Variants in INO80C observed in about 807,000 individuals in gnomAD.
INO80C encodes the protein IES6 homolog.
A neutral mutation model predicts 17.7 loss-of-function variants in INO80C; 17 were observed. That is an observed-to-expected ratio of 0.96 (90% CI 0.66 to 1.44). The LOEUF is 1.44. Among genes scored for constraint, INO80C ranks in the 40% most tolerant of loss-of-function variants. The probability of loss-of-function intolerance (pLI) is 0.00; values close to 1 mark genes in which losing one functional copy is unlikely to be tolerated. For missense variants in INO80C, 244 were observed against 245.0 expected (o/e 1.00, Z 0.03); for synonymous variants, 96 against 95.8 (o/e 1.00, Z -0.01).
chr18:35,497,612 G>C (rs548953643), intron 1 of INO80C, 107 bp downstream of exon 1: 9 of 1,464,714 alleles, frequency 6.1e-6, no homozygotes, highest in African/African-American at 2.9e-5. Flanking sequence ...CCCCAACGGA[G>C]ACCGCACGCG....
chr18:35,485,362 TCAA>T (rs2045860974), intron 1 of INO80C, among the ~76,000 whole-genome samples: 1 of 152,004 alleles, frequency 6.6e-6, no homozygotes, highest in African/African-American at 2.4e-5. Context: ...ACTCTACAAC[TCAA>T]CAACAAAAAG....
At chr18:35,476,276 A>G (rs1015690662) in intron 4 of INO80C, among the ~76,000 whole-genome samples, 2 of 152,234 alleles carry the variant, frequency 1.3e-5, no homozygotes, top group East Asian at 3.8e-4. Flanking sequence ...AAAAACAAGG[A>G]CAACCTGAGA....
chr18:35,472,833 T>G (rs1218383297), intron 4 of INO80C, among the ~76,000 whole-genome samples: 1 of 152,230 alleles, frequency 6.6e-6, no homozygotes, highest in Non-Finnish European at 1.5e-5. Context: ...AAGCTGAATA[T>G]CTACTTATTG....
Position 35,490,599 on chromosome 18 carries a change from C to T in INO80C, c.156+7120G>A, listed in dbSNP as rs114881332. On this transcript the variant is annotated intron_variant, in intron 1 of 4. Coordinates refer to ENST00000334598, the MANE Select transcript of INO80C (RefSeq NM_194281.4). ...GAACTGTTAAAGAGCAAAAAGGACACACTAAAGGGAAAGGGAAAATGCAGT... is the reference window on the plus strand; with the variant it reads ...GAACTGTTAAAGAGCAAAAAGGACATACTAAAGGGAAAGGGAAAATGCAGT... 5.2e-3 allele frequency among the ~76,000 whole-genome samples: 788 copies of T among 152,218 alleles called. 5 individuals are homozygous for T. The highest frequency in any genetic ancestry group is 0.018 in the African/African-American group (768 of 41,524).
At chr18:35,475,393 T>C (rs1040926037) in intron 4 of INO80C, among the ~76,000 whole-genome samples, 1 of 152,106 alleles carries the variant, frequency 6.6e-6, no homozygotes, top group East Asian at 1.9e-4. Flanking sequence ...CAAGGCTGGG[T>C]GCAGTGGCTC....
intron 1 of INO80C, among the ~76,000 whole-genome samples, chr18:35,485,533 CA>C (rs1259084553): frequency 6.6e-6 from 1 of 151,968 alleles, no homozygotes; most frequent in Non-Finnish European, 1.5e-5. Context: ...TGGTTACAAT[CA>C]AAGACAATAA....
In INO80C at chr18:35,489,347, G is replaced by A. The variant is rs11875555; in HGVS notation, c.156+8372C>T. 1,700 of 280,306 alleles carry A rather than the reference G, an allele frequency of 6.1e-3. 31 individuals carry two copies. The highest frequency in any genetic ancestry group is 0.035 in the African/African-American group (1,523 of 43,990). The allele number at this position is 280,306 out of a possible 1,614,324, so 17.4% of individuals were successfully genotyped here. ...ATGGACTCACAGTTCCACGTGGCTG[G>A]GGAGGCCTCACAATCATGGTGGAAG... On this transcript the variant is annotated intron_variant, in intron 1 of 4. Coordinates refer to ENST00000334598, the MANE Select transcript of INO80C (RefSeq NM_194281.4).
intron 4 of INO80C, among the ~76,000 whole-genome samples, chr18:35,470,905 C>T (rs190332450): frequency 3.4e-4 from 52 of 152,332 alleles, no homozygotes; most frequent in Admixed American, 4.6e-4. Flanking sequence ...AATAAGCAAA[C>T]GCCAACTTCC....
Position 35,468,757 on chromosome 18 carries a change from G to A in INO80C, c.448-15C>T, listed in dbSNP as rs2045634602. The A allele has an allele frequency of 1.9e-6, 3 of 1,612,172 alleles. No homozygotes were observed. The highest frequency in any genetic ancestry group is 4.5e-5 in the East Asian group (2 of 44,848). ...GTGTAGTTGGCCTGGGTGAAAAGAG[G>A]CACAGGGAAGGGCAGAAAGTTTTTG... On this transcript the variant is annotated splice_polypyrimidine_tract_variant and intron_variant, in intron 4 of 4. Coordinates refer to ENST00000334598, the MANE Select transcript of INO80C (RefSeq NM_194281.4).
intron 1 of INO80C, among the ~76,000 whole-genome samples, chr18:35,481,659 G>T (rs141495473): frequency 0.017 from 2,559 of 152,266 alleles, 27 homozygotes; most frequent in Middle Eastern, 0.034. Context: ...TGAGGTGGTT[G>T]GATCACTTGA....
chr18:35,495,769 G>A (rs2045974765), intron 1 of INO80C, among the ~76,000 whole-genome samples: 2 of 152,060 alleles, frequency 1.3e-5, no homozygotes, highest in African/African-American at 4.8e-5. Flanking sequence ...ACATACATCT[G>A]GCAAAGGAGT....
intron 2 of INO80C, among the ~76,000 whole-genome samples, chr18:35,479,678 A>G (rs768007929): frequency 3.3e-5 from 5 of 152,104 alleles, no homozygotes; most frequent in African/African-American, 4.8e-5. Context: ...ATGCACGTAA[A>G]AAAAAAAGCC....
intron 1 of INO80C, among the ~76,000 whole-genome samples, chr18:35,488,178 T>C (rs1408953829): frequency 6.6e-6 from 1 of 152,202 alleles, no homozygotes; most frequent in African/African-American, 2.4e-5. Flanking sequence ...GGATCTACCA[T>C]TCCGGGCTCT....
At chr18:35,480,146 A>C (rs1455636706) in intron 2 of INO80C, among the ~76,000 whole-genome samples, 5 of 152,204 alleles carry the variant, frequency 3.3e-5, no homozygotes, top group African/African-American at 1.2e-4. Flanking sequence ...TAAATATTTC[A>C]AGCTTTGTCT....
At chr18:35,473,744 T>C (rs2045698234) in intron 4 of INO80C, among the ~76,000 whole-genome samples, 1 of 152,114 alleles carries the variant, frequency 6.6e-6, no homozygotes, top group Non-Finnish European at 1.5e-5. Flanking sequence ...AAAAAAATCA[T>C]GCCCTTGAGT....
chr18:35,497,626 C>G (rs2045998235), intron 1 of INO80C, 93 bp downstream of exon 1: 3 of 1,487,446 alleles, frequency 2.0e-6, no homozygotes, highest in East Asian at 2.6e-5. Context: ...GCACGCGCAG[C>G]GCCCCACATT....
intron 1 of INO80C, among the ~76,000 whole-genome samples, chr18:35,482,570 T>C (rs2045823661): frequency 6.6e-6 from 1 of 152,158 alleles, no homozygotes; most frequent in African/African-American, 2.4e-5. Context: ...CTCTCCTCTG[T>C]GGCCGCCACC....
chr18:35,490,003 A>G (rs2045917881), intron 1 of INO80C, among the ~76,000 whole-genome samples: 1 of 152,152 alleles, frequency 6.6e-6, no homozygotes, highest in South Asian at 2.1e-4. Context: ...ATTAAAAAAA[A>G]AAAATACAGT....
chr18:35,496,225 G>A (rs1197714570), intron 1 of INO80C, among the ~76,000 whole-genome samples: 1 of 152,174 alleles, frequency 6.6e-6, no homozygotes, highest in East Asian at 1.9e-4. Flanking sequence ...AGCAGCTTCT[G>A]CACAAAGCCA....
Sources: gnomAD v4.1 joint callset for allele counts (sites outside exome capture counted in the v4.1 genomes callset) on GRCh38, gnomAD v4.1.1 for gene constraint, MANE v1.5 for transcripts, NCBI Gene and HGNC (gene_info 2026-07-23, HGNC 2026-07-21) for gene names.